GPR55: variants seen among roughly 807,000 people sequenced by gnomAD.
GPR55 encodes G protein-coupled receptor 55.
A neutral mutation model predicts 7.9 loss-of-function variants in GPR55; 6 were observed. That is an observed-to-expected ratio of 0.76 (90% confidence interval 0.41 to 1.49). The LOEUF (loss-of-function observed/expected upper bound fraction) is 1.49, where lower values mean the gene tolerates loss of function less well. Among genes scored for constraint, GPR55 ranks in the 40% most tolerant of loss-of-function variants. GPR55 has a pLI of 0.01. For missense variants in GPR55, 376 were observed against 406.0 expected, an observed-to-expected ratio of 0.93 and a Z score of 0.63; for synonymous variants, 183 against 166.8, an observed-to-expected ratio of 1.10 and a Z score of -0.75.
intron 1 of GPR55, among the ~76,000 whole-genome samples, chr2:230,930,333 A>G (rs143644749): frequency 1.4e-3 from 207 of 151,970 alleles, no homozygotes; most frequent in Admixed American, 2.0e-3. Context: ...TCTGTTTTCC[A>G]CTTTAGCTAT....
In GPR55 at chr2:230,944,428, TGTGGAGGGAG is replaced by T. The variant is rs1691280844; in HGVS notation, c.-135+16337_-135+16346del. Among the ~76,000 whole-genome samples the T allele has an allele frequency of 6.6e-6, 1 of 152,124 alleles. No individual in the cohort carries two copies. Among genetic ancestry groups the T allele is most frequent in the African/African-American group, 2.4e-5 (1 of 41,418 alleles). ...GTGTGGAAGGGAAGGGGAGAAAGCC[TGTGGAGGGAG>T]GTGGAGGAGCCGTGGTTTCCAGTAA... On this transcript the variant is annotated intron_variant, in intron 1 of 1. Coordinates refer to the GPR55 transcript ENST00000392039. The surrounding 1 kb of genome is among the most constrained non-coding windows in gnomAD (Gnocchi z 4.2).
At position 230,953,082 on chromosome 2, in the gene GPR55, A is replaced by G. The variant is rs115104633; in HGVS notation, c.-135+7693T>C. ...GAAGCATGCGCACCCCAGAAAAGCT[A>G]GTTCCCAGGTGGCCAGAAGGAAGGA... On this transcript the variant is annotated intron_variant, in intron 1 of 1. Transcript: ENST00000392039. Among the ~76,000 whole-genome samples the G allele has an allele frequency of 4.2e-3, 642 of 152,274 alleles. 3 individuals are homozygous for G. The highest frequency in any genetic ancestry group is 0.015 in the African/African-American group (604 of 41,538).
upstream of GPR55, among the ~76,000 whole-genome samples, chr2:230,929,324 G>A (rs576215117): frequency 9.9e-5 from 15 of 152,196 alleles, no homozygotes; most frequent in South Asian, 2.1e-4. Context: ...CCCCCAACTC[G>A]GGGCCCTGAT....
intron 1 of GPR55, among the ~76,000 whole-genome samples, chr2:230,917,154 T>A (rs1244397397): frequency 6.6e-6 from 1 of 152,268 alleles, no homozygotes; most frequent in Non-Finnish European, 1.5e-5. Context: ...GCAAATGTAG[T>A]AATCTTATAC....
intron 1 of GPR55, among the ~76,000 whole-genome samples, chr2:230,917,182 T>C (rs1443874139): frequency 6.6e-6 from 1 of 152,194 alleles, no homozygotes; most frequent in Non-Finnish European, 1.5e-5. Context: ...GGTGGAAAAG[T>C]ACATCAGGTA....
chr2:230,949,453 C>G (rs551029315), intron 1 of GPR55, among the ~76,000 whole-genome samples: 7 of 152,322 alleles, frequency 4.6e-5, no homozygotes, highest in African/African-American at 1.7e-4. Flanking sequence ...TGAGCCACCG[C>G]GCCCATCCTG....
rs535649345 is a variant in GPR55 at position 230,944,007 on chromosome 2, T to C, written c.-135+16768A>G. Among the ~76,000 whole-genome samples the C allele has an allele frequency of 6.6e-6, 1 of 152,332 alleles. No individual in the cohort carries two copies. The highest frequency in any genetic ancestry group is 1.9e-4 in the East Asian group (1 of 5,192). On this transcript the variant is annotated intron_variant, in intron 1 of 1. Coordinates refer to the GPR55 transcript ENST00000392039. This position sits in a 1 kb window ranked among gnomAD's most constrained non-coding sequence, Gnocchi z 4.2. The stretch of plus-strand genomic sequence containing the variant: ...TAAGAATGGCCTAACACAGGGTCTG[T>C]CTTAGGAAGGGGCCCTCGGGCTGTC...
intron 1 of GPR55, among the ~76,000 whole-genome samples, chr2:230,941,127 A>G (rs1251208302): frequency 3.3e-5 from 5 of 151,644 alleles, no homozygotes; most frequent in Non-Finnish European, 7.4e-5. Flanking sequence ...CAGAAAAAAA[A>G]AAGAAAAGAA....
At chr2:230,951,694 A>G (rs2125070063) in intron 1 of GPR55, among the ~76,000 whole-genome samples, 1 of 149,602 alleles carries the variant, frequency 6.7e-6, no homozygotes, top group South Asian at 2.1e-4. Flanking sequence ...GTAAGCAGGG[A>G]TTTTTTTCCC....
At chr2:230,918,190 C>G (rs931339732) in intron 1 of GPR55, among the ~76,000 whole-genome samples, 1 of 152,134 alleles carries the variant, frequency 6.6e-6, no homozygotes, top group African/African-American at 2.4e-5. Flanking sequence ...ATAAACGAAG[C>G]AATACCTATA....
chr2:230,937,724 C>T (rs1228877518), intron 1 of GPR55, among the ~76,000 whole-genome samples: 4 of 152,048 alleles, frequency 2.6e-5, no homozygotes, highest in Non-Finnish European at 4.4e-5. Context: ...AAGTCTTGCC[C>T]TGGCTCATTC....
chr2:230,958,053 GTAAA>G, intron 1 of GPR55: 1 of 258,746 alleles, frequency 3.9e-6, no homozygotes. Context: ...TCTCAATCAA[GTAAA>G]TAAAGTTTAA....
At position 230,910,209 on chromosome 2, in the gene GPR55, C is replaced by T. The variant is rs1690553175; in HGVS notation, c.754G>A (p.Val252Met). The change falls in exon 2 of 2, where the codon GTG becomes ATG. Residue 252 changes from valine (V) to methionine (M), a missense_variant. Transcript: ENST00000650999. The surrounding 1 kb of genome is among the most constrained non-coding windows in gnomAD (Gnocchi z 5.4). ...VHLGFFLQFL[V>M]RNSFIVECRA... ...CACTCTACGATAAAGCTGTTTCTCA[C>T]CAGGAACTGCAGGAAGAACCCCAGG... is the stretch of plus-strand genomic sequence containing the variant. 6.2e-7 allele frequency: 1 copy of T among 1,614,014 alleles called. No homozygotes were observed. The highest frequency in any genetic ancestry group is 8.5e-7 in the Non-Finnish European group (1 of 1,179,874).
chr2:230,911,005 A>G lies in GPR55; in HGVS notation c.-43T>C. On this transcript the variant is annotated 5_prime_UTR_variant, in exon 2 of 2. Transcript: ENST00000650999. ...CAACAGATCAGACGGGGCTCCTTTC[A>G]CTCTCTTGAAGTGATGGATTCAAAT... 3 of 1,553,772 alleles carry G rather than the reference A, an allele frequency of 1.9e-6. No individual in the cohort carries two copies. The highest frequency in any genetic ancestry group is 2.6e-6 in the Non-Finnish European group (3 of 1,145,378).
chr2:230,915,283 G>A (rs1690683816), intron 1 of GPR55, among the ~76,000 whole-genome samples: 1 of 152,238 alleles, frequency 6.6e-6, no homozygotes, highest in African/African-American at 2.4e-5. Context: ...CCATCCCAGT[G>A]CTGCCATTGA....
At chr2:230,911,953 G>A (rs1690602751) in intron 1 of GPR55, among the ~76,000 whole-genome samples, 1 of 152,254 alleles carries the variant, frequency 6.6e-6, no homozygotes, top group Non-Finnish European at 1.5e-5. Flanking sequence ...TAGCCCTGGA[G>A]CAGGAAAAAA....
intron 1 of GPR55, among the ~76,000 whole-genome samples, chr2:230,937,365 A>C (rs1253854493): frequency 7.1e-6 from 1 of 140,538 alleles, no homozygotes; most frequent in Non-Finnish European, 1.5e-5. Context: ...TGATTGTGCC[A>C]GTGTGCTCCA....
chr2:230,913,300 C>G (rs182736756), intron 1 of GPR55, among the ~76,000 whole-genome samples: 1 of 151,956 alleles, frequency 6.6e-6, no homozygotes, highest in Non-Finnish European at 1.5e-5. Context: ...ATTGGGCGCC[C>G]GTGGGAGGAA....
intron 1 of GPR55, among the ~76,000 whole-genome samples, chr2:230,914,705 T>C (rs2125049837): frequency 6.6e-6 from 1 of 151,954 alleles, no homozygotes; most frequent in Middle Eastern, 3.4e-3. Flanking sequence ...ACTTGTGGGG[T>C]GTGGGGCCAT....
Sources: allele counts gnomAD v4.1 joint callset (sites outside exome capture counted in the v4.1 genomes callset), GRCh38; gene constraint gnomAD v4.1.1; non-coding constraint Gnocchi (gnomAD v3.1); transcripts MANE v1.5; gene names NCBI Gene and HGNC (gene_info 2026-07-23, HGNC 2026-07-21).